The following PTK2B variants were observed in gnomAD, a reference collection of about 807,000 sequenced individuals.
The protein encoded by PTK2B is protein-tyrosine kinase 2-beta.
In PTK2B, 71 loss-of-function variants were observed where a neutral mutation model predicts 142.9. That is an observed-to-expected ratio of 0.50 (90% CI 0.41 to 0.61). PTK2B has a LOEUF of 0.61. Among genes scored for constraint, PTK2B ranks in the 20% least tolerant of loss-of-function variants. PTK2B has a pLI of 0.00. For synonymous variants in PTK2B, 519 were observed against 503.4 expected, an observed-to-expected ratio of 1.03 and a Z score of -0.42; for missense variants, 1,105 against 1,320.4, an observed-to-expected ratio of 0.84 and a Z score of 2.53.
rs1811921362 is a variant in PTK2B, at chr8:27,453,095, G to T, written c.2549-19G>T. 1.2e-6 allele frequency: 2 copies of T among 1,613,732 alleles called. No homozygotes were observed. The highest frequency in any genetic ancestry group is 4.5e-5 in the East Asian group (2 of 44,882). On this transcript the variant is annotated intron_variant, in intron 27 of 30. Coordinates refer to ENST00000346049, the MANE Select transcript of PTK2B (RefSeq NM_173176.3). ...GAGTGCTGAGAACTGCCCCCCACTT[G>T]CTGTTCTTTTTATTGCAGTGGAGTT...
chr8:27,434,919 GA>G (rs1370763567), intron 13 of PTK2B, among the ~76,000 whole-genome samples: 2 of 152,014 alleles, frequency 1.3e-5, no homozygotes, highest in African/African-American at 2.4e-5. Context: ...AAAATAGCTT[GA>G]ACCTGGAAGG....
chr8:27,404,023 C>G lies in PTK2B; in HGVS notation c.204+6235C>G, dbSNP rs147500700. 2.4e-3 allele frequency among the ~76,000 whole-genome samples: 315 copies of G among 133,712 alleles called. 1 individual carries two copies. Among genetic ancestry groups the G allele is most frequent in the African/African-American group, 8.2e-3 (301 of 36,918 alleles). The allele number at this position is 133,712 out of a possible 152,430, so 87.7% of individuals were successfully genotyped here. On this transcript the variant is annotated intron_variant, in intron 2 of 30. Coordinates refer to ENST00000346049, the MANE Select transcript of PTK2B (RefSeq NM_173176.3). ...TTCTCTTCTTCTCAAGCCATATGTC[C>G]TGATTTGTCTCATCCCCAGTTTCTA...
chr8:27,381,778 G>A (rs567734641), intron 1 of PTK2B, among the ~76,000 whole-genome samples: 172 of 152,304 alleles, frequency 1.1e-3, no homozygotes, highest in African/African-American at 3.9e-3. Flanking sequence ...CCCACCAATA[G>A]CGTTTAGGAG....
chr8:27,447,144 C>T (rs146720006), intron 24 of PTK2B, among the ~76,000 whole-genome samples: 33 of 152,294 alleles, frequency 2.2e-4, no homozygotes, highest in Middle Eastern at 3.4e-3. Context: ...CGTCCAATTT[C>T]CTGCTTCTCC....
At chr8:27,421,199 G>A (rs1458301412) in intron 4 of PTK2B, among the ~76,000 whole-genome samples, 2 of 152,136 alleles carry the variant, frequency 1.3e-5, no homozygotes, top group African/African-American at 4.8e-5. Flanking sequence ...ACTTTATAGG[G>A]TTGTTGTAGG....
chr8:27,311,278 C>T (rs1345235633), upstream of PTK2B: 2 of 1,450,598 alleles, frequency 1.4e-6, no homozygotes, highest in Non-Finnish European at 1.8e-6. Context: ...TTTGCTCCGG[C>T]CCCTCCCACC....
At chr8:27,350,874 G>C (rs1008442004) in intron 1 of PTK2B, among the ~76,000 whole-genome samples, 1 of 148,612 alleles carries the variant, frequency 6.7e-6, no homozygotes, top group Non-Finnish European at 1.5e-5. Flanking sequence ...CACTTGAGAG[G>C]CTGAGGCAGG....
intron 10 of PTK2B, among the ~76,000 whole-genome samples, chr8:27,433,017 G>T (rs1437699024): frequency 6.6e-6 from 1 of 152,142 alleles, no homozygotes; most frequent in East Asian, 1.9e-4. Flanking sequence ...AGTAGACACA[G>T]GGTTTCACCA....
Position 27,351,030 on chromosome 8 carries a change from TATATATATATAC to T in PTK2B, c.-38+25350_-38+25361del, listed in dbSNP as rs1433586471. On this transcript the variant is annotated intron_variant, in intron 1 of 30. Coordinates refer to ENST00000346049, the MANE Select transcript of PTK2B (RefSeq NM_173176.3). ...ATATATATATATATATATATATATA[TATATATATATAC>T]GTGCTTGGAGCAGGCACAGTGGTGC... 6.3e-4 allele frequency among the ~76,000 whole-genome samples: 55 copies of T among 87,876 alleles called. 5 individuals are homozygous for T. The highest frequency in any genetic ancestry group is 2.3e-3 in the African/African-American group (45 of 19,890). 57.7% of individuals were successfully genotyped at this position (87,876 alleles called of 152,430 possible).
At chr8:27,335,027 G>A (rs1196416678) in intron 1 of PTK2B, among the ~76,000 whole-genome samples, 1 of 152,190 alleles carries the variant, frequency 6.6e-6, no homozygotes, top group Non-Finnish European at 1.5e-5. Flanking sequence ...GAGAAAGATG[G>A]GGAGGAGGAA....
intron 1 of PTK2B, among the ~76,000 whole-genome samples, chr8:27,370,665 G>T (rs1806298249): frequency 6.6e-6 from 1 of 152,222 alleles, no homozygotes; most frequent in African/African-American, 2.4e-5. Flanking sequence ...AGGACAGGGA[G>T]TTCCTGGAAA....
At chr8:27,430,824 G>A in intron 7 of PTK2B, 52 bp from the exon 8 acceptor site, 3 of 1,593,922 alleles carry the variant, frequency 1.9e-6, no homozygotes, top group South Asian at 2.3e-5. Context: ...AAGGGAAGGA[G>A]TGAGACCTGG....
upstream of PTK2B, chr8:27,311,183 T>A (rs1185744151): frequency 6.2e-7 from 1 of 1,604,836 alleles, no homozygotes; most frequent in Non-Finnish European, 8.5e-7. Flanking sequence ...GCAGAGCAAC[T>A]CCTCCTTGAA....
At chr8:27,329,129 G>A (rs1444486710) in intron 1 of PTK2B, among the ~76,000 whole-genome samples, 2 of 152,058 alleles carry the variant, frequency 1.3e-5, no homozygotes, top group Admixed American at 6.6e-5. Context: ...GTAGAGACGG[G>A]GTTTCGCCAT....
chr8:27,412,631 T>G (rs1347251496), intron 2 of PTK2B, among the ~76,000 whole-genome samples: 1 of 152,148 alleles, frequency 6.6e-6, no homozygotes, highest in Non-Finnish European at 1.5e-5. Flanking sequence ...ATTTCATGCT[T>G]AGAAAGCTCC....
chr8:27,348,017 C>A (rs999061195), intron 1 of PTK2B, among the ~76,000 whole-genome samples: 5 of 152,222 alleles, frequency 3.3e-5, no homozygotes, highest in African/African-American at 4.8e-5. Flanking sequence ...CAGCATCATA[C>A]CCTAGCAATG....
At chr8:27,338,657 G>GGGA (rs1804221220) in intron 1 of PTK2B, among the ~76,000 whole-genome samples, 1 of 152,136 alleles carries the variant, frequency 6.6e-6, no homozygotes, top group Non-Finnish European at 1.5e-5. Context: ...TCCCAAACTA[G>GGGA]CCTTGATTGA....
intron 3 of PTK2B, among the ~76,000 whole-genome samples, chr8:27,317,487 C>T (rs1247505758): frequency 6.6e-6 from 1 of 152,166 alleles, no homozygotes. Context: ...TTTTGTAGTT[C>T]TCATCATGCA....
intron 3 of PTK2B, among the ~76,000 whole-genome samples, chr8:27,319,758 A>G (rs1180036927): frequency 2.6e-5 from 4 of 152,136 alleles, no homozygotes; most frequent in East Asian, 1.9e-4. Context: ...CTAACATCCC[A>G]TAAGGTAAAT....
Sources: gnomAD v4.1 joint callset for allele counts (sites outside exome capture counted in the v4.1 genomes callset) on GRCh38, gnomAD v4.1.1 for gene constraint, MANE v1.5 for transcripts, NCBI Gene and HGNC (gene_info 2026-07-23, HGNC 2026-07-21) for gene names.